The following RLF variants were observed in gnomAD, a reference collection of about 807,000 sequenced individuals.
RLF encodes the protein zinc finger protein Rlf.
RLF carries 7 observed loss-of-function variants against 162.9 expected under a neutral mutation model. That is an observed-to-expected ratio of 0.04 (90% CI 0.02 to 0.08). RLF has a LOEUF of 0.08. Among genes scored for constraint, RLF ranks in the 10% least tolerant of loss-of-function variants. RLF has a pLI of 1.00. For synonymous variants in RLF, 782 were observed against 791.5 expected, an observed-to-expected ratio of 0.99 and a Z score of 0.20; for missense variants, 1,664 against 2,244.7, an observed-to-expected ratio of 0.74 and a Z score of 5.23.
At chr1:40,195,376 G>A (rs1457105313) in intron 3 of RLF, among the ~76,000 whole-genome samples, 3 of 151,738 alleles carry the variant, frequency 2.0e-5, no homozygotes, top group Admixed American at 6.6e-5. Flanking sequence ...TTGAACCCAG[G>A]GGTTGGAGGT....
chr1:40,169,485 G>A (rs554562711), intron 1 of RLF, among the ~76,000 whole-genome samples: 437 of 150,480 alleles, frequency 2.9e-3, no homozygotes, highest in African/African-American at 0.01. Context: ...GCGCGGTGGC[G>A]GGCGCCTGTG....
At chr1:40,214,619 T>A (rs778461510) in intron 5 of RLF, among the ~76,000 whole-genome samples, 1 of 152,000 alleles carries the variant, frequency 6.6e-6, no homozygotes, top group East Asian at 1.9e-4. Flanking sequence ...AAAGGAAACA[T>A]GCTTAAAGAA....
intron 1 of RLF, among the ~76,000 whole-genome samples, chr1:40,181,922 G>C (rs1642409236): frequency 6.6e-6 from 1 of 152,080 alleles, no homozygotes; most frequent in African/African-American, 2.4e-5. Context: ...TAGATAAGGG[G>C]TGCTCATTTT....
At chr1:40,234,589 GAGGAAAATCTGTTATT>G (rs1643194752) in intron 7 of RLF, among the ~76,000 whole-genome samples, 1 of 152,142 alleles carries the variant, frequency 6.6e-6, no homozygotes, top group Non-Finnish European at 1.5e-5. Context: ...ATAACCTTAG[GAGGAAAATCTGTTATT>G]AACATTACTG....
rs1254691224 is a variant in RLF, at chr1:40,240,509, C to T, written c.*62C>T. Reference sequence around the variant, plus strand: ...ACTGCAACATGGGGACATTTGCCAACTCGAACAAAGGCTGAGAAGCAGCCA... The same window carrying T: ...ACTGCAACATGGGGACATTTGCCAATTCGAACAAAGGCTGAGAAGCAGCCA... On this transcript the variant is annotated 3_prime_UTR_variant, in exon 8 of 8. Transcript: ENST00000372771. The T allele has an allele frequency of 4.9e-6, 6 of 1,231,978 alleles. No individual in the cohort carries two copies. The African/African-American group carries it at 6.0e-5, about 12-fold the overall frequency. The allele number at this position is 1,231,978 out of a possible 1,614,324, so 76.3% of individuals were successfully genotyped here.
chr1:40,202,468 T>A lies in RLF; in HGVS notation c.664T>A (p.Leu222Met), dbSNP rs1454572432. 12 of 1,586,194 alleles carry A rather than the reference T, an allele frequency of 7.6e-6. No individual in the cohort carries two copies. The highest frequency in any genetic ancestry group is 9.4e-6 in the Non-Finnish European group (11 of 1,172,446). Reference protein sequence around the residue: ...PSFLQMRIKHLLKSNCIPQAT... With the variant: ...PSFLQMRIKHMLKSNCIPQAT... The stretch of plus-strand genomic sequence containing the variant: ...CTTTCTGCAAATGCGAATAAAACAT[T>A]TGTTGAAATCTAACTGCATCCCCCA... Residue 222 changes from leucine to methionine, a missense_variant, in exon 5 of 8, where the codon TTG becomes ATG. Physicochemically the swap from Leu to Met is conservative, Grantham distance 15. Coordinates refer to ENST00000372771, the MANE Select transcript of RLF (RefSeq NM_012421.4).
intron 1 of RLF, among the ~76,000 whole-genome samples, chr1:40,173,890 A>G (rs1372062673): frequency 6.6e-6 from 1 of 152,148 alleles, no homozygotes; most frequent in African/African-American, 2.4e-5. Flanking sequence ...TTATAATTAG[A>G]GCTATAGCCT....
chr1:40,228,774 C>G (rs573641438), intron 6 of RLF, among the ~76,000 whole-genome samples: 1 of 152,176 alleles, frequency 6.6e-6, no homozygotes, highest in Non-Finnish European at 1.5e-5. Flanking sequence ...GCATGAGCCT[C>G]TGTGCCCAGC....
intron 1 of RLF, among the ~76,000 whole-genome samples, chr1:40,162,184 CTTT>C (rs111773742): frequency 7.2e-6 from 1 of 139,626 alleles, no homozygotes; most frequent in Non-Finnish European, 1.6e-5. Flanking sequence ...TTGGTTTTTG[CTTT>C]TTTTTTTTTT....
chr1:40,194,224 G>A (rs192245181), intron 3 of RLF, among the ~76,000 whole-genome samples: 3 of 152,106 alleles, frequency 2.0e-5, no homozygotes, highest in East Asian at 3.9e-4. Context: ...TTTTTTAGAC[G>A]AATTTAAACA....
intron 1 of RLF, among the ~76,000 whole-genome samples, chr1:40,182,382 G>T (rs1184846371): frequency 1.3e-5 from 2 of 151,982 alleles, no homozygotes; most frequent in South Asian, 4.1e-4. Flanking sequence ...TGCAGTGAGC[G>T]CAGATTGCGC....
intron 5 of RLF, among the ~76,000 whole-genome samples, chr1:40,205,282 G>A (rs1478487368): frequency 2.0e-5 from 3 of 152,078 alleles, no homozygotes; most frequent in East Asian, 3.9e-4. Context: ...GCTGCAGTAA[G>A]CTGAGATCAC....
At chr1:40,194,045 T>A (rs1420655474) in intron 3 of RLF, among the ~76,000 whole-genome samples, 1 of 152,218 alleles carries the variant, frequency 6.6e-6, no homozygotes, top group East Asian at 1.9e-4. Flanking sequence ...TAGAGGACAG[T>A]GAAACATATA....
chr1:40,179,193 A>G (rs149399071), intron 1 of RLF, among the ~76,000 whole-genome samples: 160 of 152,308 alleles, frequency 1.1e-3, no homozygotes, highest in Non-Finnish European at 1.8e-3. Flanking sequence ...TGGGTAGTCA[A>G]TTTCAGTTGA....
intron 1 of RLF, among the ~76,000 whole-genome samples, chr1:40,176,898 A>G (rs1201602435): frequency 2.0e-5 from 3 of 152,102 alleles, no homozygotes; most frequent in Non-Finnish European, 4.4e-5. Context: ...TATGCTTTGC[A>G]AAGATTTTCT....
At chr1:40,198,014 T>TC in intron 4 of RLF, among the ~76,000 whole-genome samples, 1 of 152,290 alleles carries the variant, frequency 6.6e-6, no homozygotes, top group East Asian at 1.9e-4. Flanking sequence ...CTTTTCTGTT[T>TC]TTTTTTGAAA....
chr1:40,184,128 TAAAG>T (rs1642441589), intron 1 of RLF, among the ~76,000 whole-genome samples: 2 of 152,176 alleles, frequency 1.3e-5, no homozygotes, highest in African/African-American at 2.4e-5. Context: ...TCATGCTTAT[TAAAG>T]AAAATTTGAG....
At chr1:40,179,628 A>G (rs146046775) in intron 1 of RLF, among the ~76,000 whole-genome samples, 1 of 152,178 alleles carries the variant, frequency 6.6e-6, no homozygotes, top group Non-Finnish European at 1.5e-5. Flanking sequence ...TGAGAGTACA[A>G]CTTAGTGGCA....
chr1:40,180,998 C>T (rs148839683), intron 1 of RLF, among the ~76,000 whole-genome samples: 79 of 152,238 alleles, frequency 5.2e-4, no homozygotes, highest in African/African-American at 1.9e-3. Context: ...TATGTTTTCT[C>T]CTGAAGTTTT....
Sources: gnomAD v4.1 joint callset for allele counts (sites outside exome capture counted in the v4.1 genomes callset) on GRCh38, gnomAD v4.1.1 for gene constraint, MANE v1.5 for transcripts, NCBI Gene and HGNC (gene_info 2026-07-23, HGNC 2026-07-21) for gene names.